Variants in INTS6L observed in about 807,000 individuals in gnomAD.
INTS6L encodes the protein integrator complex subunit 6-like.
Under a neutral mutation model 64.7 loss-of-function variants are expected in INTS6L, and 18 were observed. The observed-to-expected ratio is 0.28, with a 90% confidence interval of 0.19 to 0.41. The LOEUF (loss-of-function observed/expected upper bound fraction) is 0.41, where lower values mean the gene tolerates loss of function less well. INTS6L is among the 10% of genes least tolerant of loss of function. INTS6L has a pLI of 1.00. For synonymous variants in INTS6L, 227 were observed against 235.9 expected, an observed-to-expected ratio of 0.96 and a Z score of 0.34; for missense variants, 533 against 661.0, an observed-to-expected ratio of 0.81 and a Z score of 2.12.
chrX:135,522,084 T>A (rs933388375), intron 2 of INTS6L, among the ~76,000 whole-genome samples: 1 of 111,547 alleles, frequency 9.0e-6, no homozygotes, highest in African/African-American at 3.3e-5. Context: ...AGAAAGTCTT[T>A]GCGTTTCTGC....
At chrX:135,521,424 G>A (rs1006464864) in intron 2 of INTS6L, 106 bp downstream of exon 2, 9 of 856,169 alleles carry the variant, frequency 1.1e-5, no homozygotes, top group Non-Finnish European at 1.3e-5. Context: ...GCCCGGCGGG[G>A]CGGGCGGCGA....
At chrX:135,542,220 G>C (rs1201472233) in intron 2 of INTS6L, among the ~76,000 whole-genome samples, 1 of 111,572 alleles carries the variant, frequency 9.0e-6, no homozygotes, top group Non-Finnish European at 1.9e-5. Context: ...TATTTGGGCC[G>C]GGCGCAGTGG....
At chrX:135,580,425 A>G (rs782093298) in intron 16 of INTS6L, among the ~76,000 whole-genome samples, 1 of 112,883 alleles carries the variant, frequency 8.9e-6, no homozygotes, top group South Asian at 3.6e-4. Context: ...AAATTATTAT[A>G]TTAAGTTCTG....
At chrX:135,531,639 G>T (rs2085912489) in intron 2 of INTS6L, among the ~76,000 whole-genome samples, 1 of 111,856 alleles carries the variant, frequency 8.9e-6, no homozygotes, top group African/African-American at 3.3e-5. Context: ...GGACTCCCAA[G>T]TGCCTCCAAA....
intron 1 of INTS6L, 49 bp from the exon 2 acceptor site, chrX:135,521,192 T>TC (rs782217672): frequency 1.7e-6 from 2 of 1,178,980 alleles, no homozygotes; most frequent in South Asian, 3.6e-5. Flanking sequence ...TGTATCGCCC[T>TC]CCCCCCTCCT....
At chrX:135,530,590 C>T (rs2085881030) in intron 2 of INTS6L, among the ~76,000 whole-genome samples, 1 of 112,510 alleles carries the variant, frequency 8.9e-6, no homozygotes. Context: ...TAATCCACAG[C>T]CTCTGGAGGA....
At chrX:135,552,934 A>G (rs2086541922) in intron 8 of INTS6L, among the ~76,000 whole-genome samples, 1 of 112,515 alleles carries the variant, frequency 8.9e-6, no homozygotes, top group Non-Finnish European at 1.9e-5. Flanking sequence ...TATTTATGCA[A>G]GGAACACTTT....
Position 135,554,069 on chromosome X carries a change from G to A in INTS6L, c.1059+1923G>A, listed in dbSNP as rs372968354. 6.3e-5 allele frequency among the ~76,000 whole-genome samples: 7 copies of A among 111,765 alleles called. No homozygotes were observed. The South Asian group carries it at 1.9e-3, about 30-fold the overall frequency. ...ATTTGGCAAAACCACAATGGAGACC[G>A]GAGCCTAACCCTAGCTCTGTCACCA... On this transcript the variant is annotated intron_variant, in intron 8 of 17. Coordinates refer to ENST00000639893, the MANE Select transcript of INTS6L (RefSeq NM_001351601.3).
chrX:135,541,294 T>C (rs1356183437), intron 2 of INTS6L, among the ~76,000 whole-genome samples: 8 of 112,163 alleles, frequency 7.1e-5, no homozygotes, highest in African/African-American at 2.3e-4. Flanking sequence ...TACACATAAT[T>C]TAAAAATTTC....
intron 2 of INTS6L, among the ~76,000 whole-genome samples, chrX:135,536,859 CT>C (rs1376763473): frequency 9.0e-6 from 1 of 111,310 alleles, no homozygotes; most frequent in Non-Finnish European, 1.9e-5. Context: ...CAAATTACAG[CT>C]TTATTCCTGA....
chrX:135,547,010 A>G, intron 5 of INTS6L, 125 bp downstream of exon 5: 5 of 1,096,758 alleles, frequency 4.6e-6, no homozygotes, highest in Non-Finnish European at 2.5e-6. Flanking sequence ...GCTTAAGGTC[A>G]TCATTGGTAT....
At chrX:135,563,200 C>T (rs956454667) in intron 9 of INTS6L, among the ~76,000 whole-genome samples, 2 of 111,143 alleles carry the variant, frequency 1.8e-5, no homozygotes, top group African/African-American at 6.5e-5. Flanking sequence ...ACAGTCTACT[C>T]GTTCTCATTA....
At chrX:135,575,268 T>C (rs782500183) in intron 14 of INTS6L, 42 bp downstream of exon 14, 1 of 1,160,283 alleles carries the variant, frequency 8.6e-7, no homozygotes, top group Non-Finnish European at 1.2e-6. Flanking sequence ...TGGGATATTC[T>C]TGCTATATAA....
chrX:135,535,162 A>G (rs1446472407), intron 2 of INTS6L, among the ~76,000 whole-genome samples: 5 of 111,431 alleles, frequency 4.5e-5, no homozygotes, highest in African/African-American at 1.6e-4. Context: ...TATAAGCAAG[A>G]AGGAAGTTTT....
chrX:135,520,946 C>G lies in INTS6L; in HGVS notation c.-47C>G, dbSNP rs1556495832. On this transcript the variant is annotated 5_prime_UTR_variant, in exon 1 of 18. Coordinates refer to ENST00000639893, the MANE Select transcript of INTS6L (RefSeq NM_001351601.3). Reference sequence around the variant, plus strand: ...AGGTGGCCGTACGCGGCAGTGAGGGCAAGAGGGCCGGGAGAGTGGGGAGCG... The same window carrying G: ...AGGTGGCCGTACGCGGCAGTGAGGGGAAGAGGGCCGGGAGAGTGGGGAGCG... The G allele has an allele frequency of 2.6e-6, 3 of 1,168,509 alleles. No homozygotes were observed. Among genetic ancestry groups the G allele is most frequent in the African/African-American group, 1.8e-5 (1 of 57,079 alleles).
chrX:135,579,910 C>T lies in INTS6L; in HGVS notation c.2242C>T (p.Pro748Ser). The change falls in exon 16 of 18, where the codon CCC becomes TCC. Residue 748 changes from proline (P) to serine (S), a missense_variant. Pro to Ser is a moderately conservative substitution (Grantham distance 74). Coordinates refer to ENST00000639893, the MANE Select transcript of INTS6L (RefSeq NM_001351601.3). ...LINMTGDLMP[P>S]NQVDSLSDDF... is the part of the protein sequence containing the mutation. ...AAATATGACAGGAGATCTTATGCCA[C>T]CCAACCAAGTGGATTCTCTGTCTGA... 5.8e-6 allele frequency: 7 copies of T among 1,211,687 alleles called. No individual in the cohort carries two copies. The highest frequency in any genetic ancestry group is 7.8e-6 in the Non-Finnish European group (7 of 895,492).
chrX:135,569,959 A>T (rs1391618991), intron 10 of INTS6L: 1 of 115,051 alleles, frequency 8.7e-6, no homozygotes, highest in Non-Finnish European at 1.8e-5. Flanking sequence ...AGTATTCATG[A>T]TTTTGAACTG....
chrX:135,545,409 T>C lies in INTS6L; in HGVS notation c.190-14T>C. The C allele has an allele frequency of 8.3e-7, 1 of 1,205,822 alleles. No individual in the cohort carries two copies. Among genetic ancestry groups the C allele is most frequent in the Non-Finnish European group, 1.1e-6 (1 of 894,027 alleles). ...GTATAATCAAGAAATTCTTTGTAAA[T>C]GTTTGGTTTGCAGGCTGGTTGGAAG... is the stretch of plus-strand genomic sequence containing the variant. On this transcript the variant is annotated splice_polypyrimidine_tract_variant and intron_variant, in intron 2 of 17. Coordinates refer to ENST00000639893, the MANE Select transcript of INTS6L (RefSeq NM_001351601.3).
intron 3 of INTS6L, 97 bp from the exon 4 acceptor site, chrX:135,546,283 A>G: frequency 5.8e-6 from 3 of 513,919 alleles, no homozygotes; most frequent in Non-Finnish European, 5.7e-6. Flanking sequence ...GACAAATTTT[A>G]TCATATTCTT....
Sources: allele counts gnomAD v4.1 joint callset (sites outside exome capture counted in the v4.1 genomes callset), GRCh38; gene constraint gnomAD v4.1.1; transcripts MANE v1.5; gene names NCBI Gene and HGNC (gene_info 2026-07-23, HGNC 2026-07-21).